The following MCEE variants were observed in gnomAD, a reference collection of about 807,000 sequenced individuals.
MCEE encodes the protein methylmalonyl-CoA epimerase, mitochondrial.
In MCEE, 6 loss-of-function variants were observed where a neutral mutation model predicts 12.9. The observed-to-expected ratio is 0.47, with a 90% CI of 0.26 to 0.92. The LOEUF (loss-of-function observed/expected upper bound fraction) is 0.92. Ranked by LOEUF, MCEE falls within the 40% of genes least tolerant of loss-of-function variation. MCEE has a pLI of 0.16. For synonymous variants in MCEE, 78 were observed against 77.9 expected, an observed-to-expected ratio of 1.00 and a Z score of -0.01; for missense variants, 214 against 212.1, an observed-to-expected ratio of 1.01 and a Z score of -0.05.
At chr2:71,129,097 T>A (rs1041649276) in intron 1 of MCEE, among the ~76,000 whole-genome samples, 1 of 152,114 alleles carries the variant, frequency 6.6e-6, no homozygotes, top group Non-Finnish European at 1.5e-5. Flanking sequence ...AAAGGCAATC[T>A]TTGGAATACA....
chr2:71,129,834 G>A (rs760312454), intron 1 of MCEE: 3 of 413,744 alleles, frequency 7.3e-6, no homozygotes, highest in Non-Finnish European at 1.4e-5. Flanking sequence ...ATTGGTGCGC[G>A]GTAAAATAAC....
intron 2 of MCEE, among the ~76,000 whole-genome samples, chr2:71,114,162 T>C (rs1020801442): frequency 1.3e-5 from 2 of 151,504 alleles, no homozygotes; most frequent in Non-Finnish European, 2.9e-5. Flanking sequence ...GCAGATACGA[T>C]GACTAAATGT....
chr2:71,116,279 AGC>A (rs2103782164), intron 2 of MCEE, among the ~76,000 whole-genome samples: 1 of 149,946 alleles, frequency 6.7e-6, no homozygotes, highest in African/African-American at 2.5e-5. Context: ...TCACCGTGTT[AGC>A]CAGGATGGTC....
At chr2:71,125,211 A>ATATATATATATATATTTTTTTTTTTTT in intron 1 of MCEE, among the ~76,000 whole-genome samples, 9 of 48,598 alleles carry the variant, frequency 1.9e-4, no homozygotes, top group Non-Finnish European at 3.1e-4. Flanking sequence ...ATATATATAT[A>ATATATATATATATATTTTTTTTTTTTT]TTTTTTTTTT....
intron 2 of MCEE, among the ~76,000 whole-genome samples, chr2:71,113,357 A>T (rs1672926272): frequency 6.6e-6 from 1 of 152,202 alleles, no homozygotes; most frequent in Non-Finnish European, 1.5e-5. Context: ...AGAACCAATG[A>T]CACACCCAGT....
At chr2:71,116,043 T>C (rs1012770171) in intron 2 of MCEE, among the ~76,000 whole-genome samples, 2 of 150,244 alleles carry the variant, frequency 1.3e-5, no homozygotes, top group Non-Finnish European at 2.9e-5. Context: ...CATATAGTTC[T>C]GGAAGACTTT....
chr2:71,124,141 A>G (rs1483968553), intron 2 of MCEE, 65 bp downstream of exon 2: 9 of 1,273,802 alleles, frequency 7.1e-6, no homozygotes, highest in Non-Finnish European at 1.0e-5. Flanking sequence ...AAATAGACTT[A>G]AAAAGTAGAA....
At chr2:71,125,204 TATATATA>T (rs202236399) in intron 1 of MCEE, among the ~76,000 whole-genome samples, 3 of 64,542 alleles carry the variant, frequency 4.6e-5, no homozygotes, top group African/African-American at 2.2e-4. Context: ...TATATATATA[TATATATA>T]TTTTTTTTTT....
In MCEE at chr2:71,120,188, T is replaced by C. The variant is rs529857712; in HGVS notation, c.378+4018A>G. On this transcript the variant is annotated intron_variant, in intron 2 of 2. Transcript: ENST00000244217. ...CAACACGGAAGCATTTAAATATTTT[T>C]ACAAACTCAATACAAATTTGAGTAA... 1.7e-4 allele frequency among the ~76,000 whole-genome samples: 25 copies of C among 150,442 alleles called. 1 individual carries two copies. The highest frequency in any genetic ancestry group is 1.6e-3 in the Admixed American group (24 of 15,238).
intron 2 of MCEE, among the ~76,000 whole-genome samples, chr2:71,116,580 C>G (rs1673001248): frequency 6.9e-6 from 1 of 144,956 alleles, no homozygotes; most frequent in Admixed American, 6.8e-5. Flanking sequence ...TGGAGTCTCG[C>G]TCTGTTACCA....
chr2:71,122,443 TAA>T (rs1186072785), intron 2 of MCEE, among the ~76,000 whole-genome samples: 1 of 152,202 alleles, frequency 6.6e-6, no homozygotes, highest in African/African-American at 2.4e-5. Context: ...ACGCTATTGA[TAA>T]AGACATACCC....
chr2:71,120,846 T>C (rs961188829), intron 2 of MCEE, among the ~76,000 whole-genome samples: 1 of 151,976 alleles, frequency 6.6e-6, no homozygotes, highest in South Asian at 2.1e-4. Context: ...CAAACGATTC[T>C]CCTGCCTCAG....
At chr2:71,123,691 C>G (rs1184832536) in intron 2 of MCEE, among the ~76,000 whole-genome samples, 1 of 152,092 alleles carries the variant, frequency 6.6e-6, no homozygotes, top group Non-Finnish European at 1.5e-5. Flanking sequence ...CTTCACATTC[C>G]TTTAAAAATT....
chr2:71,116,966 T>C (rs900488984), intron 2 of MCEE: 1 of 150,740 alleles, frequency 6.6e-6, no homozygotes, highest in Non-Finnish European at 1.5e-5. Flanking sequence ...CCTTAAGGTA[T>C]GTAATCCTCA....
intron 1 of MCEE, among the ~76,000 whole-genome samples, chr2:71,125,427 G>A (rs765654767): frequency 8.0e-5 from 12 of 150,644 alleles, no homozygotes; most frequent in Non-Finnish European, 1.5e-4. Flanking sequence ...GGCTGGTCTC[G>A]AACTCCTGAC....
At chr2:71,128,606 G>A (rs1673291417) in intron 1 of MCEE, among the ~76,000 whole-genome samples, 1 of 151,028 alleles carries the variant, frequency 6.6e-6, no homozygotes, top group Admixed American at 6.6e-5. Flanking sequence ...CTTGGCTCAC[G>A]CCAACCTCCG....
intron 1 of MCEE, among the ~76,000 whole-genome samples, chr2:71,125,280 C>A (rs1383247601): frequency 7.0e-6 from 1 of 142,744 alleles, no homozygotes; most frequent in Non-Finnish European, 1.5e-5. Flanking sequence ...GCGATCTGGG[C>A]TCACTGCAAC....
At chr2:71,116,730 A>G (rs1673004447) in intron 2 of MCEE, 1 of 148,958 alleles carries the variant, frequency 6.7e-6, no homozygotes, top group Non-Finnish European at 1.5e-5. Flanking sequence ...TTTAGTAGAG[A>G]TAGGTTTCAC....
At chr2:71,123,003 T>C (rs955006605) in intron 2 of MCEE, among the ~76,000 whole-genome samples, 1 of 152,358 alleles carries the variant, frequency 6.6e-6, no homozygotes, top group African/African-American at 2.4e-5. Flanking sequence ...ATTCTACTTA[T>C]CATAGTATAT....
Sources: gnomAD v4.1 joint callset for allele counts (sites outside exome capture counted in the v4.1 genomes callset) on GRCh38, gnomAD v4.1.1 for gene constraint, MANE v1.5 for transcripts, NCBI Gene and HGNC (gene_info 2026-07-23, HGNC 2026-07-21) for gene names.